The following TCAIM variants were observed in gnomAD, a reference collection of about 807,000 sequenced individuals.
TCAIM encodes the protein T-cell activation inhibitor, mitochondrial.
A neutral mutation model predicts 58.6 loss-of-function variants in TCAIM; 36 were observed. The ratio of observed to expected loss-of-function variants is 0.61; its 90% confidence interval spans 0.47 to 0.81. The LOEUF (loss-of-function observed/expected upper bound fraction) is 0.81. Among genes scored for constraint, TCAIM ranks in the 30% least tolerant of loss-of-function variants. The pLI, the probability that TCAIM is intolerant of heterozygous loss-of-function variation, is 0.00. For missense variants in TCAIM, 466 were observed against 579.6 expected, an observed-to-expected ratio of 0.80 and a Z score of 2.01; for synonymous variants, 172 against 193.6, an observed-to-expected ratio of 0.89 and a Z score of 0.93.
intron 5 of TCAIM, among the ~76,000 whole-genome samples, chr3:44,372,760 AT>A (rs1169295694): frequency 6.6e-6 from 1 of 151,568 alleles, no homozygotes. Context: ...CACCCGGCTA[AT>A]TTTTTTGTAT....
At chr3:44,393,660 T>G (rs1328520319) in intron 6 of TCAIM, among the ~76,000 whole-genome samples, 1 of 152,042 alleles carries the variant, frequency 6.6e-6, no homozygotes, top group Non-Finnish European at 1.5e-5. Context: ...CAGTGACTCA[T>G]ACCTGTAATT....
intron 5 of TCAIM, among the ~76,000 whole-genome samples, chr3:44,371,317 C>G (rs1701466222): frequency 6.6e-6 from 1 of 152,136 alleles, no homozygotes; most frequent in African/African-American, 2.4e-5. Context: ...CTCAGCTTCC[C>G]AGAGTGCTGG....
chr3:44,339,388 G>A (rs555177082), intron 1 of TCAIM, among the ~76,000 whole-genome samples: 3 of 152,284 alleles, frequency 2.0e-5, no homozygotes, highest in Admixed American at 6.5e-5. Context: ...AATGGTCAAA[G>A]CTCAATCCTG....
intron 2 of TCAIM, 133 bp from the exon 3 acceptor site, chr3:44,357,608 T>G (rs1701219639): frequency 8.3e-7 from 1 of 1,211,814 alleles, no homozygotes. Context: ...AACTAATAGA[T>G]TTCAGAAAAC....
At position 44,358,684 on chromosome 3, in the gene TCAIM, G is replaced by A. The variant is rs191918377; in HGVS notation, c.165+808G>A. 99 of 950,640 alleles carry A rather than the reference G, an allele frequency of 1.0e-4. 1 individual carries two copies. The African/African-American group carries it at 1.4e-3, about 13-fold the overall frequency. 58.9% of individuals were successfully genotyped at this position (950,640 alleles called of 1,614,324 possible). On this transcript the variant is annotated intron_variant, in intron 3 of 10. Coordinates refer to ENST00000342649, the MANE Select transcript of TCAIM (RefSeq NM_173826.4). Reference sequence around the variant, plus strand: ...AGCATTCGCAGATTTCGGTATCCACGGGAGGTCCTGGAACCAATCCCCTAT... The same window carrying A: ...AGCATTCGCAGATTTCGGTATCCACAGGAGGTCCTGGAACCAATCCCCTAT...
chr3:44,399,567 G>A (rs900739866), intron 8 of TCAIM, among the ~76,000 whole-genome samples: 4 of 151,904 alleles, frequency 2.6e-5, no homozygotes, highest in Non-Finnish European at 4.4e-5. Flanking sequence ...CCACTCAATC[G>A]CAGCAGGTCA....
intron 5 of TCAIM, among the ~76,000 whole-genome samples, chr3:44,375,044 C>G (rs1204458894): frequency 6.6e-6 from 1 of 152,090 alleles, no homozygotes; most frequent in Non-Finnish European, 1.5e-5. Context: ...CAGCATTAGT[C>G]CTTGTACGTG....
intron 10 of TCAIM, among the ~76,000 whole-genome samples, chr3:44,403,858 G>T (rs888625532): frequency 6.6e-6 from 1 of 151,952 alleles, no homozygotes; most frequent in African/African-American, 2.4e-5. Context: ...CCATCATTTT[G>T]TGATGGCCTC....
intron 5 of TCAIM, among the ~76,000 whole-genome samples, chr3:44,376,931 T>A (rs2125643185): frequency 6.6e-6 from 1 of 151,904 alleles, no homozygotes; most frequent in East Asian, 1.9e-4. Flanking sequence ...TACTAAAAAA[T>A]ACAAAAAAAT....
At chr3:44,397,497 A>G (rs1387631461) in intron 8 of TCAIM, among the ~76,000 whole-genome samples, 1 of 152,160 alleles carries the variant, frequency 6.6e-6, no homozygotes, top group Non-Finnish European at 1.5e-5. Context: ...GTACTATTTC[A>G]TGGTATAAAT....
intron 5 of TCAIM, among the ~76,000 whole-genome samples, chr3:44,392,607 A>G (rs1701856088): frequency 6.6e-6 from 1 of 152,222 alleles, no homozygotes; most frequent in Admixed American, 6.5e-5. Flanking sequence ...TTAGCTTGCT[A>G]AGGATAATAG....
intron 10 of TCAIM, among the ~76,000 whole-genome samples, chr3:44,403,408 T>C (rs1356429462): frequency 6.6e-6 from 1 of 152,244 alleles, no homozygotes; most frequent in Non-Finnish European, 1.5e-5. Context: ...CCTTATGGAA[T>C]TGATGACAAC....
chr3:44,390,689 G>T (rs573294911), intron 5 of TCAIM, among the ~76,000 whole-genome samples: 1 of 152,098 alleles, frequency 6.6e-6, no homozygotes. Context: ...AAGAAAAAAT[G>T]GCCAGGCATG....
intron 10 of TCAIM, among the ~76,000 whole-genome samples, chr3:44,406,338 A>G (rs1702099995): frequency 6.6e-6 from 1 of 152,186 alleles, no homozygotes; most frequent in Non-Finnish European, 1.5e-5. Context: ...TTTACAGAAA[A>G]AGTTACTCAT....
Position 44,408,980 on chromosome 3 carries a change from C to T in TCAIM, c.*1298C>T, listed in dbSNP as rs561250725. 6 of 152,200 alleles carry T rather than the reference C, an allele frequency of 3.9e-5. No individual in the cohort carries two copies. Among genetic ancestry groups the T allele is most frequent in the African/African-American group, 1.2e-4 (5 of 41,518 alleles). 9.4% of individuals were successfully genotyped at this position (152,200 alleles called of 1,614,324 possible). On this transcript the variant is annotated 3_prime_UTR_variant, in exon 11 of 11. Transcript: ENST00000342649. ...CTCTTCAGGTCATTTCTGAAGAGGA[C>T]AAGGTGAATCTTGGCTTGGAACACC...
Position 44,396,735 on chromosome 3 carries a change from G to T in TCAIM, c.794-8G>T. 6.2e-7 allele frequency: 1 copy of T among 1,612,880 alleles called. No homozygotes were observed. ...ACCATGACCAAAGGTTTTGTGTTTT[G>T]TCATCAGGGTGTACAATCATATTTA... On this transcript the variant is annotated splice_region_variant and splice_polypyrimidine_tract_variant and intron_variant, in intron 7 of 10. Coordinates refer to ENST00000342649, the MANE Select transcript of TCAIM (RefSeq NM_173826.4).
intron 5 of TCAIM, among the ~76,000 whole-genome samples, chr3:44,372,807 G>T (rs1701501827): frequency 6.6e-6 from 1 of 151,846 alleles, no homozygotes; most frequent in Non-Finnish European, 1.5e-5. Context: ...TGTTAGCCAG[G>T]ATGGTCTTGA....
rs1156388193 is a variant in TCAIM, at chr3:44,369,351, A to G, written c.572+1643A>G. The stretch of plus-strand genomic sequence containing the variant: ...AGAAAACAGTGAGATTGAATACATC[A>G]AGCCAAAACAGCAAAAGTAACAGTT... On this transcript the variant is annotated intron_variant, in intron 5 of 10. Coordinates refer to ENST00000342649, the MANE Select transcript of TCAIM (RefSeq NM_173826.4). Among the ~76,000 whole-genome samples, 4 of 152,336 alleles carry G rather than the reference A, an allele frequency of 2.6e-5. No homozygotes were observed. In the South Asian group the frequency reaches 6.2e-4, roughly 24 times the overall value.
At chr3:44,378,144 G>A (rs904679080) in intron 5 of TCAIM, among the ~76,000 whole-genome samples, 2 of 152,104 alleles carry the variant, frequency 1.3e-5, no homozygotes, top group African/African-American at 4.8e-5. Context: ...ACTTTGGGAG[G>A]CTGAGGTGGG....
Sources: gnomAD v4.1 joint callset for allele counts (sites outside exome capture counted in the v4.1 genomes callset) on GRCh38, gnomAD v4.1.1 for gene constraint, MANE v1.5 for transcripts, NCBI Gene and HGNC (gene_info 2026-07-23, HGNC 2026-07-21) for gene names.